The following ARHGAP22 variants were observed in gnomAD, a reference collection of about 807,000 sequenced individuals.
ARHGAP22 encodes rho GTPase-activating protein 22.
Under a neutral mutation model 59.1 loss-of-function variants are expected in ARHGAP22, and 48 were observed. The ratio of observed to expected loss-of-function variants is 0.81; its 90% CI spans 0.64 to 1.03. The LOEUF is 1.03. ARHGAP22 is among the 50% of genes least tolerant of loss of function. The probability of loss-of-function intolerance (pLI) is 0.00; values close to 1 mark genes in which losing one functional copy is unlikely to be tolerated. For missense variants in ARHGAP22, 1,015 were observed against 958.7 expected (o/e 1.06, Z -0.78); for synonymous variants, 445 against 416.4 (o/e 1.07, Z -0.84).
chr10:48,549,781 C>T (rs1056724723), intron 3 of ARHGAP22, among the ~76,000 whole-genome samples: 2 of 152,118 alleles, frequency 1.3e-5, no homozygotes, highest in African/African-American at 4.8e-5. Context: ...CTTGTGAGGC[C>T]CATCTCATTC....
At chr10:48,581,237 C>A (rs1326404767) in intron 2 of ARHGAP22, among the ~76,000 whole-genome samples, 1 of 152,224 alleles carries the variant, frequency 6.6e-6, no homozygotes, top group Non-Finnish European at 1.5e-5. Flanking sequence ...CCAAATCCTT[C>A]ATTTGCATAA....
At chr10:48,503,160 T>G (rs1227531868) in intron 3 of ARHGAP22, among the ~76,000 whole-genome samples, 2 of 152,170 alleles carry the variant, frequency 1.3e-5, no homozygotes, top group Non-Finnish European at 2.9e-5. Flanking sequence ...TAAAAATATT[T>G]GGAGGGAGAA....
intron 1 of ARHGAP22, among the ~76,000 whole-genome samples, chr10:48,626,173 C>T (rs2061442178): frequency 6.6e-6 from 1 of 152,158 alleles, no homozygotes; most frequent in Non-Finnish European, 1.5e-5. Context: ...AACCCTATCC[C>T]ACCCCTAAAT....
chr10:48,506,760 T>C (rs533517134), intron 3 of ARHGAP22, among the ~76,000 whole-genome samples: 14 of 152,260 alleles, frequency 9.2e-5, no homozygotes, highest in South Asian at 2.1e-4. Flanking sequence ...TGGTAGCTTA[T>C]GTGAATGGTG....
At chr10:48,571,291 A>G (rs529296629) in intron 2 of ARHGAP22, among the ~76,000 whole-genome samples, 34 of 152,264 alleles carry the variant, frequency 2.2e-4, no homozygotes, top group African/African-American at 7.7e-4. Context: ...GAGTCTGTCC[A>G]TTTGTCTTCT....
At chr10:48,481,453 G>C (rs1313755167) in intron 3 of ARHGAP22, among the ~76,000 whole-genome samples, 1 of 151,550 alleles carries the variant, frequency 6.6e-6, no homozygotes, top group Non-Finnish European at 1.5e-5. Context: ...GGAATTTGTG[G>C]TTACTTGGTT....
At chr10:48,622,872 C>T (rs2061330293) in intron 1 of ARHGAP22, among the ~76,000 whole-genome samples, 1 of 152,204 alleles carries the variant, frequency 6.6e-6, no homozygotes, top group Non-Finnish European at 1.5e-5. Flanking sequence ...AGAAGCAGGT[C>T]TCCTGCTCTT....
At chr10:48,538,669 A>T (rs1012884477) in intron 3 of ARHGAP22, among the ~76,000 whole-genome samples, 5 of 152,236 alleles carry the variant, frequency 3.3e-5, no homozygotes, top group Admixed American at 1.3e-4. Context: ...ACACCTGGGA[A>T]TGCACTACAG....
intron 4 of ARHGAP22, among the ~76,000 whole-genome samples, chr10:48,473,399 G>A (rs1285338283): frequency 6.6e-6 from 1 of 152,148 alleles, no homozygotes; most frequent in Non-Finnish European, 1.5e-5. Context: ...GGTGGTGATG[G>A]TTGTACAACA....
intron 2 of ARHGAP22, among the ~76,000 whole-genome samples, chr10:48,557,213 G>A (rs997378612): frequency 3.3e-5 from 5 of 152,178 alleles, no homozygotes. Flanking sequence ...ATTAGAGGGT[G>A]TGGGTGAGAT....
intron 3 of ARHGAP22, among the ~76,000 whole-genome samples, chr10:48,525,699 C>T (rs2054263171): frequency 6.6e-6 from 1 of 152,206 alleles, no homozygotes; most frequent in Non-Finnish European, 1.5e-5. Flanking sequence ...TTATGTAAGA[C>T]ACATACCCAT....
chr10:48,651,895 A>G (rs2062580065), intron 1 of ARHGAP22, among the ~76,000 whole-genome samples: 1 of 152,134 alleles, frequency 6.6e-6, no homozygotes. Flanking sequence ...TCAGCTGCAC[A>G]CAGCGTTCCC....
intron 2 of ARHGAP22, among the ~76,000 whole-genome samples, chr10:48,567,773 C>A (rs535179611): frequency 6.6e-6 from 1 of 152,218 alleles, no homozygotes; most frequent in Admixed American, 6.5e-5. Context: ...ACCTTGGTGA[C>A]CACAGAGACA....
intron 1 of ARHGAP22, among the ~76,000 whole-genome samples, chr10:48,588,370 T>C (rs928879102): frequency 2.6e-5 from 4 of 152,202 alleles, no homozygotes; most frequent in Non-Finnish European, 4.4e-5. Context: ...CCCCAGCTGA[T>C]CAATCACACA....
chr10:48,569,556 T>C (rs2058269707), intron 2 of ARHGAP22, among the ~76,000 whole-genome samples: 1 of 152,248 alleles, frequency 6.6e-6, no homozygotes, highest in South Asian at 2.1e-4. Flanking sequence ...TTGTGATTGA[T>C]AAAACTCATA....
chr10:48,558,785 G>T (rs1233804627), intron 2 of ARHGAP22, among the ~76,000 whole-genome samples: 1 of 152,142 alleles, frequency 6.6e-6, no homozygotes, highest in East Asian at 1.9e-4. Flanking sequence ...CCATTTTTCT[G>T]ATGCTGAGAG....
At chr10:48,553,147 C>T (rs151263394) in intron 3 of ARHGAP22, among the ~76,000 whole-genome samples, 1,989 of 152,340 alleles carry the variant, frequency 0.013, 18 homozygotes, top group Non-Finnish European at 0.016. Context: ...TCTTGGGCCC[C>T]GGGCAGCACT....
At chr10:48,618,320 G>T (rs993065121) in intron 1 of ARHGAP22, among the ~76,000 whole-genome samples, 1 of 151,960 alleles carries the variant, frequency 6.6e-6, no homozygotes, top group African/African-American at 2.4e-5. Flanking sequence ...TACAAGAGGA[G>T]GGAATTCTCC....
At chr10:48,444,615 A>T (rs2045281657), downstream of ARHGAP22, 1 of 152,156 alleles carries the variant, frequency 6.6e-6, no homozygotes, top group African/African-American at 2.4e-5. Context: ...TCATCATGGG[A>T]AACCCATTTC....
Sources: allele counts gnomAD v4.1 joint callset (sites outside exome capture counted in the v4.1 genomes callset), GRCh38; gene constraint gnomAD v4.1.1; transcripts MANE v1.5; gene names NCBI Gene and HGNC (gene_info 2026-07-23, HGNC 2026-07-21).